SH3RF1: variants seen among roughly 807,000 people sequenced by gnomAD.
SH3RF1 encodes the protein E3 ubiquitin-protein ligase SH3RF1.
Under a neutral mutation model 74.0 loss-of-function variants are expected in SH3RF1, and 32 were observed. The observed-to-expected ratio is 0.43, with a 90% CI of 0.33 to 0.58. The LOEUF is 0.58. SH3RF1 is among the 20% of genes least tolerant of loss of function. SH3RF1 has a pLI of 0.05. For missense variants in SH3RF1, 954 were observed against 1,130.9 expected (o/e 0.84, Z 2.24); for synonymous variants, 396 against 439.6 (o/e 0.90, Z 1.24).
At position 169,096,392 on chromosome 4, in the gene SH3RF1, A is replaced by T; in HGVS notation, c.*127T>A. ...TGGGGTAACTGTGCTGGGGCATCAG[A>T]GTCACATACCAATCCTTTGCTCATC... On this transcript the variant is annotated 3_prime_UTR_variant, in exon 12 of 12. Coordinates refer to ENST00000284637, the MANE Select transcript of SH3RF1 (RefSeq NM_020870.4). 1 of 956,262 alleles carries T rather than the reference A, an allele frequency of 1.0e-6. No individual in the cohort carries two copies. 59.2% of individuals were successfully genotyped at this position (956,262 alleles called of 1,614,324 possible).
In SH3RF1 at chr4:169,155,709, A is replaced by C. The variant is rs896059211; in HGVS notation, c.670-134T>G. The C allele has an allele frequency of 6.0e-6, 4 of 670,748 alleles. No homozygotes were observed. In the African/African-American group the frequency reaches 7.3e-5, roughly 12 times the overall value. 41.5% of individuals were successfully genotyped at this position (670,748 alleles called of 1,614,324 possible). A position where few individuals can be genotyped will look rare whatever the true frequency, so the allele number is the denominator to read the frequency against. ...AATAAAAATGCTATGACATATCTTT[A>C]GTACATGGATTAAATGTTTTCATGA... On this transcript the variant is annotated intron_variant, in intron 3 of 11. Transcript: ENST00000284637.
chr4:169,094,284 T>C lies in SH3RF1; in HGVS notation c.*2235A>G, dbSNP rs377272320. On this transcript the variant is annotated 3_prime_UTR_variant, in exon 12 of 12. Coordinates refer to ENST00000284637, the MANE Select transcript of SH3RF1 (RefSeq NM_020870.4). ...AAGGTTTGAACATCAAATTTTAATC[T>C]TGAAACCTTTTATCCAGTCCTCAAA... The C allele has an allele frequency of 1.2e-4, 18 of 152,160 alleles. No individual in the cohort carries two copies. The highest frequency in any genetic ancestry group is 2.6e-4 in the Admixed American group (4 of 15,268). The allele number at this position is 152,160 out of a possible 1,614,324, so 9.4% of individuals were successfully genotyped here.
At chr4:169,201,241 C>T (rs1465101373) in intron 2 of SH3RF1, among the ~76,000 whole-genome samples, 6 of 152,210 alleles carry the variant, frequency 3.9e-5, no homozygotes, top group Admixed American at 2.0e-4. Flanking sequence ...ACCACGGCCT[C>T]TCCATCTACT....
intron 4 of SH3RF1, among the ~76,000 whole-genome samples, chr4:169,142,699 A>T (rs764091895): frequency 6.6e-6 from 1 of 152,216 alleles, no homozygotes; most frequent in South Asian, 2.1e-4. Context: ...ACTAAGTCCA[A>T]TGTTCCTTCC....
rs963046856 is a variant in SH3RF1, at chr4:169,095,650, C to CA, written c.*868dup. The CA allele has an allele frequency of 2.0e-5, 3 of 152,668 alleles. No individual in the cohort carries two copies. Among genetic ancestry groups the CA allele is most frequent in the African/African-American group, 7.2e-5 (3 of 41,448 alleles). The allele number at this position is 152,668 out of a possible 1,614,324, so 9.5% of individuals were successfully genotyped here. ...TGAAATGACGCTTCATAGCCATTCT[C>CA]AGACAGTGACTACAACTTCAATTTC... On this transcript the variant is annotated 3_prime_UTR_variant, in exon 12 of 12. Coordinates refer to ENST00000284637, the MANE Select transcript of SH3RF1 (RefSeq NM_020870.4).
Position 169,120,931 on chromosome 4 carries a change from C to T in SH3RF1, c.1405G>A (p.Gly469Arg). ...RKEDELELRK[G>R]EMFLVFERCQ... is the part of the protein sequence containing the mutation. ...CGCTCAAACACTAAAAACATCTCCC[C>T]TTTTCTCAGCTCTAGTTCATCCTCT... The change falls in exon 8 of 12, where the codon GGG (glycine) becomes AGG (arginine). Residue 469 changes from glycine to arginine, a missense_variant. Physicochemically the swap from Gly to Arg is moderately radical, Grantham distance 125 (BLOSUM62 -2). This residue lies in a region of SH3RF1 where 854 missense variants were observed against 962.5 expected (regional missense o/e 0.89). Coordinates refer to ENST00000284637, the MANE Select transcript of SH3RF1 (RefSeq NM_020870.4). The T allele has an allele frequency of 2.5e-6, 4 of 1,614,150 alleles. No individual in the cohort carries two copies. Among genetic ancestry groups the T allele is most frequent in the Non-Finnish European group, 3.4e-6 (4 of 1,180,000 alleles).
intron 2 of SH3RF1, among the ~76,000 whole-genome samples, chr4:169,233,527 T>C (rs369336846): frequency 3.3e-5 from 5 of 152,192 alleles, no homozygotes; most frequent in African/African-American, 1.2e-4. Flanking sequence ...GTGTTTTATA[T>C]CTATTAACTC....
intron 4 of SH3RF1, among the ~76,000 whole-genome samples, chr4:169,137,681 G>A (rs1733721035): frequency 6.6e-6 from 1 of 152,136 alleles, no homozygotes; most frequent in African/African-American, 2.4e-5. Context: ...TTCAGGCTAT[G>A]TCTTCTCATC....
intron 2 of SH3RF1, among the ~76,000 whole-genome samples, chr4:169,249,900 T>C (rs1731070890): frequency 6.6e-6 from 1 of 152,128 alleles, no homozygotes; most frequent in Non-Finnish European, 1.5e-5. Flanking sequence ...ACATTAATCA[T>C]CAGGCTCCAG....
intron 2 of SH3RF1, among the ~76,000 whole-genome samples, chr4:169,201,384 C>G (rs1000177137): frequency 6.6e-6 from 1 of 152,108 alleles, no homozygotes; most frequent in African/African-American, 2.4e-5. Flanking sequence ...CAGGGAGGAT[C>G]TGTAAAAAAC....
rs545311445 is a variant in SH3RF1 at position 169,207,478 on chromosome 4, A to G, written c.394-50799T>C. 7.1e-4 allele frequency among the ~76,000 whole-genome samples: 108 copies of G among 152,318 alleles called. 1 individual carries two copies. In the South Asian group the frequency reaches 0.016, roughly 23 times the overall value. ...ATGAGATCTAATTTCTGGATATTAT[A>G]CCATTTGCTAAACCAAAATTCCTAC... On this transcript the variant is annotated intron_variant, in intron 2 of 11. Transcript: ENST00000284637.
At chr4:169,253,665 C>T (rs917403079) in intron 2 of SH3RF1, among the ~76,000 whole-genome samples, 7 of 152,158 alleles carry the variant, frequency 4.6e-5, no homozygotes, top group African/African-American at 1.7e-4. Context: ...ACAGGATTAC[C>T]CACCTCTGGA....
chr4:169,199,626 A>T (rs2706712), intron 2 of SH3RF1, among the ~76,000 whole-genome samples: 79,133 of 151,774 alleles, frequency 0.52, 21,259 homozygotes, highest in East Asian at 0.78. Flanking sequence ...CAAAAAAAAA[A>T]AAATAAATAA....
intron 2 of SH3RF1, among the ~76,000 whole-genome samples, chr4:169,201,564 C>A (rs1734908920): frequency 6.6e-6 from 1 of 152,198 alleles, no homozygotes; most frequent in South Asian, 2.1e-4. Flanking sequence ...TAAGTGTGTT[C>A]ATCTCAAATC....
At chr4:169,166,987 G>A in intron 2 of SH3RF1, 1 of 224,730 alleles carries the variant, frequency 4.4e-6, no homozygotes, top group Non-Finnish European at 8.7e-6. Context: ...GAAATGACCA[G>A]TGCAAGGTTG....
chr4:169,190,937 T>C (rs1325754513), intron 2 of SH3RF1, among the ~76,000 whole-genome samples: 3 of 152,126 alleles, frequency 2.0e-5, no homozygotes, highest in Admixed American at 6.5e-5. Context: ...TCAATAAATG[T>C]GATACACCAC....
At position 169,107,188 on chromosome 4, in the gene SH3RF1, C is replaced by T. The variant is rs778315825; in HGVS notation, c.2157G>A (p.Leu719=). 7 of 1,548,992 alleles carry T rather than the reference C, an allele frequency of 4.5e-6. No individual in the cohort carries two copies. The East Asian group carries it at 1.6e-4, about 35-fold the overall frequency. Residue 719 remains leucine (L), a synonymous_variant, in exon 11 of 12, where the codon TTG becomes TTA. Coordinates refer to ENST00000284637, the MANE Select transcript of SH3RF1 (RefSeq NM_020870.4). ...TGGAGGCGCCAGAAAGCAACTTCAACAAACCCTTTTTTTCTTTCTGGAAAA... is the reference window on the plus strand; with the variant it reads ...TGGAGGCGCCAGAAAGCAACTTCAATAAACCCTTTTTTTCTTTCTGGAAAA... ...DKDSKKEKKG[L]LKLLSGASTK...
At chr4:169,251,141 A>C (rs1440638042) in intron 2 of SH3RF1, among the ~76,000 whole-genome samples, 1 of 152,182 alleles carries the variant, frequency 6.6e-6, no homozygotes, top group Admixed American at 6.5e-5. Flanking sequence ...GGTTCAAGGG[A>C]GCTACTCTGG....
chr4:169,246,440 T>C (rs1730995686), intron 2 of SH3RF1, among the ~76,000 whole-genome samples: 1 of 152,236 alleles, frequency 6.6e-6, no homozygotes, highest in African/African-American at 2.4e-5. Context: ...ATCTGTATTC[T>C]GTCACTTTGT....
Sources: gnomAD v4.1 joint callset for allele counts (sites outside exome capture counted in the v4.1 genomes callset) on GRCh38, gnomAD v4.1.1 for gene constraint, gnomAD v4.1.1 regional missense constraint, MANE v1.5 for transcripts, NCBI Gene and HGNC (gene_info 2026-07-23, HGNC 2026-07-21) for gene names.